The following CENPT variants were observed in gnomAD, a reference collection of about 807,000 sequenced individuals.
The protein encoded by CENPT is centromere protein T, also known as interphase centromere complex protein 22.
In CENPT, 42 loss-of-function variants were observed where a neutral mutation model predicts 59.7. The observed-to-expected ratio is 0.70, with a 90% CI of 0.55 to 0.91. The LOEUF (loss-of-function observed/expected upper bound fraction) is 0.91. CENPT is among the 40% of genes least tolerant of loss of function. The probability of loss-of-function intolerance (pLI) is 0.00; values close to 1 mark genes in which losing one functional copy is unlikely to be tolerated. For synonymous variants in CENPT, 295 were observed against 289.6 expected, an observed-to-expected ratio of 1.02 and a Z score of -0.19; for missense variants, 716 against 713.4, an observed-to-expected ratio of 1.00 and a Z score of -0.04.
Position 67,843,427 on chromosome 16 carries a change from G to A in CENPT, c.-492+3974C>T, listed in dbSNP as rs1237217611. ...GCCACCTGCGTCTCACTGAGGCCAA[G>A]CTGCGCGAAGAACTGCGTGAGAAGG... On this transcript the variant is annotated intron_variant, in intron 1 of 15. Transcript: ENST00000562787. This position sits in a 1 kb window ranked among gnomAD's most constrained non-coding sequence, Gnocchi z 5.7. 1 of 1,614,112 alleles carries A rather than the reference G, an allele frequency of 6.2e-7. No individual in the cohort carries two copies. The highest frequency in any genetic ancestry group is 8.5e-7 in the Non-Finnish European group (1 of 1,180,048).
At chr16:67,837,173 T>C (rs1222210774) in intron 1 of CENPT, among the ~76,000 whole-genome samples, 1 of 151,920 alleles carries the variant, frequency 6.6e-6, no homozygotes, top group Non-Finnish European at 1.5e-5. Flanking sequence ...CCTTGCCTTT[T>C]TTTTTTCTTT....
chr16:67,828,586 G>A lies in CENPT; in HGVS notation c.1458-8C>T. 6.2e-7 allele frequency: 1 copy of A among 1,614,100 alleles called. No individual in the cohort carries two copies. The highest frequency in any genetic ancestry group is 8.5e-7 in the Non-Finnish European group (1 of 1,179,994). On this transcript the variant is annotated splice_region_variant and splice_polypyrimidine_tract_variant and intron_variant, in intron 14 of 15. Transcript: ENST00000562787. ...TGGAAATATTTATCTAGGCTGTCAA[G>A]AAGGTGGGGATAGAGCAGGCTGAAC...
intron 1 of CENPT, among the ~76,000 whole-genome samples, chr16:67,836,780 T>C (rs1233988144): frequency 6.6e-6 from 1 of 151,172 alleles, no homozygotes; most frequent in Non-Finnish European, 1.5e-5. Flanking sequence ...TCCATGTTGG[T>C]CAGGCTGGTC....
rs1426340106 is a variant in CENPT, at chr16:67,829,529, A to G, written c.1187-13T>C. The G allele has an allele frequency of 2.5e-6, 4 of 1,594,814 alleles. No homozygotes were observed. In the South Asian group the frequency reaches 4.5e-5, roughly 18 times the overall value. On this transcript the variant is annotated splice_polypyrimidine_tract_variant and intron_variant, in intron 12 of 15. Coordinates refer to ENST00000562787, the MANE Select transcript of CENPT (RefSeq NM_025082.4). ...GACTCTGGACTTGCTACAAAGAAGA[A>G]GGGTGGGGTCACAGGGATTCCAGGC...
In CENPT at chr16:67,841,010, CATATATATATATATATATAT is replaced by C. The variant is rs66882634; in HGVS notation, c.-491-5372_-491-5353del. Among the ~76,000 whole-genome samples, 358 of 109,378 alleles carry C rather than the reference CATATATATATATATATATAT, an allele frequency of 3.3e-3. 6 individuals carry two copies. Among genetic ancestry groups the C allele is most frequent in the African/African-American group, 0.011 (325 of 28,362 alleles). The allele number at this position is 109,378 out of a possible 152,430, so 71.8% of individuals were successfully genotyped here. ...CCCCGTCTCTACTAAATACAAAATA[CATATATATATATATATATAT>C]ATATATATATATATATTAGCCGGGC... On this transcript the variant is annotated intron_variant, in intron 1 of 15. Transcript: ENST00000562787.
rs910603351 is a variant in CENPT at position 67,830,683 on chromosome 16, CCT to C, written c.704-137_704-136del. ...TGGACAGTGGGCTGCATGGGTCCAC[CCT>C]GAGTGGCCTTCAGAGAAAGAAGACG... On this transcript the variant is annotated intron_variant, in intron 10 of 15. Coordinates refer to ENST00000562787, the MANE Select transcript of CENPT (RefSeq NM_025082.4). 5 of 819,342 alleles carry C rather than the reference CCT, an allele frequency of 6.1e-6. No individual in the cohort carries two copies. In the African/African-American group the frequency reaches 6.9e-5, roughly 11 times the overall value. 50.8% of individuals were successfully genotyped at this position (819,342 alleles called of 1,614,324 possible). A position where few individuals can be genotyped will look rare whatever the true frequency, so the allele number is the denominator to read the frequency against.
chr16:67,833,618 G>A, intron 4 of CENPT, 132 bp downstream of exon 4: 1 of 512,530 alleles, frequency 2.0e-6, no homozygotes, highest in Non-Finnish European at 3.4e-6. Context: ...GTCGACGCTG[G>A]GTTCCACCCA....
chr16:67,844,818 T>C (rs927249795), intron 1 of CENPT, among the ~76,000 whole-genome samples: 7 of 152,020 alleles, frequency 4.6e-5, no homozygotes, highest in African/African-American at 1.7e-4. Flanking sequence ...GATGGAGCTT[T>C]GCTCTTGTCA....
intron 13 of CENPT, chr16:67,829,049 T>G: frequency 1.8e-6 from 1 of 558,222 alleles, no homozygotes; most frequent in South Asian, 2.6e-5. Context: ...CCCTCCACAG[T>G]CGACTCGACA....
chr16:67,834,962 C>T (rs1280101725), intron 3 of CENPT, among the ~76,000 whole-genome samples: 1 of 152,162 alleles, frequency 6.6e-6, no homozygotes, highest in East Asian at 1.9e-4. Flanking sequence ...CTGCCTCAGC[C>T]TCCCGAGTAG....
intron 1 of CENPT, among the ~76,000 whole-genome samples, chr16:67,840,643 TA>T (rs2057754838): frequency 6.6e-6 from 1 of 151,990 alleles, no homozygotes; most frequent in African/African-American, 2.4e-5. Flanking sequence ...GTACTGGGCT[TA>T]ATACCTGGGT....
chr16:67,830,335 G>A, intron 11 of CENPT, 55 bp downstream of exon 11: 2 of 1,565,108 alleles, frequency 1.3e-6, no homozygotes, highest in Non-Finnish European at 8.7e-7. Flanking sequence ...AACTACCATT[G>A]TCAACTCTCA....
Position 67,829,488 on chromosome 16 carries a change from A to G in CENPT, c.1215T>C (p.Pro405=). 1.3e-6 allele frequency: 2 copies of G among 1,593,144 alleles called. No homozygotes were observed. The highest frequency in any genetic ancestry group is 1.7e-6 in the Non-Finnish European group (2 of 1,174,692). ...GATGTCGCCTGGCCTGGAGAGACTC[A>G]GGGGTGCTGGAGGCCGACTCTGGAC... ...AASPESASST[P]ESLQARRHHQ... is the part of the protein sequence containing the mutation. Residue 405 remains proline, a synonymous_variant, in exon 13 of 16, where the codon CCT becomes CCC. Transcript: ENST00000562787.
Position 67,834,011 on chromosome 16 carries a change from G to A in CENPT, c.-152C>T, listed in dbSNP as rs1394180794. 7.5e-6 allele frequency: 4 copies of A among 530,384 alleles called. No homozygotes were observed. Among genetic ancestry groups the A allele is most frequent in the Non-Finnish European group, 9.6e-6 (3 of 313,042 alleles). The allele number at this position is 530,384 out of a possible 1,614,324, so 32.9% of individuals were successfully genotyped here. A position where few individuals can be genotyped will look rare whatever the true frequency, so the allele number is the denominator to read the frequency against. ...GCAGCTCGCGGGGTGGACAGTGATG[G>A]TTGCAAACTCCGGATGCTTTGGAGG... On this transcript the variant is annotated 5_prime_UTR_variant, in exon 4 of 16. Coordinates refer to ENST00000562787, the MANE Select transcript of CENPT (RefSeq NM_025082.4).
intron 13 of CENPT, 74 bp downstream of exon 13, chr16:67,829,349 G>C: frequency 8.4e-7 from 1 of 1,196,590 alleles, no homozygotes; most frequent in Non-Finnish European, 1.2e-6. Flanking sequence ...GGAAGGGGGA[G>C]GACCCTATGT....
rs373137766 is a variant in CENPT at position 67,838,800 on chromosome 16, G to C, written c.-491-3142C>G. On this transcript the variant is annotated intron_variant, in intron 1 of 15. Transcript: ENST00000562787. ...AAATTAGTCGGGTGTAGTGGTGTGG[G>C]CCTGTAATTCCACCTACTCAGGAGG... Among the ~76,000 whole-genome samples, 246 of 151,910 alleles carry C rather than the reference G, an allele frequency of 1.6e-3. 9 individuals carry two copies. In the South Asian group the frequency reaches 0.049, roughly 30 times the overall value.
chr16:67,840,228 G>A (rs2151288422), intron 1 of CENPT, among the ~76,000 whole-genome samples: 1 of 152,304 alleles, frequency 6.6e-6, no homozygotes, highest in East Asian at 1.9e-4. Flanking sequence ...TGAGGCAGGA[G>A]AATGGCATGA....
At chr16:67,831,083 G>C (rs566890560) in intron 10 of CENPT, 133 bp downstream of exon 10, 1 of 1,142,196 alleles carries the variant, frequency 8.8e-7, no homozygotes, top group African/African-American at 1.5e-5. Context: ...ATTCCTTGTA[G>C]ACCCACTGAC....
In CENPT at chr16:67,843,072, T is replaced by G. The variant is rs770358779; in HGVS notation, c.-492+4329A>C. 4.3e-6 allele frequency: 7 copies of G among 1,611,508 alleles called. No homozygotes were observed. In the East Asian group the frequency reaches 1.6e-4, roughly 36 times the overall value. Reference sequence around the variant, plus strand: ...GACAGCAGTCAGGCTCCGGGATCCGTACAGCCGGCGCCCATCACTCCCACT... The same window carrying G: ...GACAGCAGTCAGGCTCCGGGATCCGGACAGCCGGCGCCCATCACTCCCACT... On this transcript the variant is annotated intron_variant, in intron 1 of 15. Coordinates refer to ENST00000562787, the MANE Select transcript of CENPT (RefSeq NM_025082.4). This position sits in a 1 kb window ranked among gnomAD's most constrained non-coding sequence, Gnocchi z 5.7.
Sources: gnomAD v4.1 joint callset for allele counts (sites outside exome capture counted in the v4.1 genomes callset) on GRCh38, gnomAD v4.1.1 for gene constraint, Gnocchi (gnomAD v3.1) non-coding constraint, MANE v1.5 for transcripts, NCBI Gene and HGNC (gene_info 2026-07-23, HGNC 2026-07-21) for gene names.